Variants in SNX29 observed in about 807,000 individuals in gnomAD.
SNX29 encodes the protein sorting nexin-29.
In SNX29, 78 loss-of-function variants were observed where a neutral mutation model predicts 102.1. That is an observed-to-expected ratio of 0.76 (90% CI 0.64 to 0.92). The LOEUF (loss-of-function observed/expected upper bound fraction) is 0.92. Ranked by LOEUF, SNX29 falls within the 40% of genes least tolerant of loss-of-function variation. SNX29 has a pLI of 0.00. For synonymous variants in SNX29, 580 were observed against 414.5 expected (o/e 1.40, Z -4.85); for missense variants, 1,280 against 1,061.7 (o/e 1.21, Z -2.86).
rs1275685091 is a variant in SNX29, at chr16:12,553,219, A to G, written c.2319-15287A>G. ...AGTTATTTCCAGTAGCCATGCTCGC[A>G]GATGGGGACTTGAGAATACAGAGAG... is the stretch of plus-strand genomic sequence containing the variant. On this transcript the variant is annotated intron_variant, in intron 20 of 20. Coordinates refer to ENST00000566228, the MANE Select transcript of SNX29 (RefSeq NM_032167.5). 2.6e-5 allele frequency among the ~76,000 whole-genome samples: 4 copies of G among 152,204 alleles called. No homozygotes were observed. In the East Asian group the frequency reaches 7.7e-4, roughly 29 times the overall value.
chr16:12,560,497 G>A (rs925305346), intron 20 of SNX29, among the ~76,000 whole-genome samples: 5 of 152,062 alleles, frequency 3.3e-5, no homozygotes, highest in African/African-American at 1.2e-4. Flanking sequence ...GCTTTTCTGG[G>A]CACGCCTGTC....
At chr16:12,564,144 T>G (rs1328916286) in intron 20 of SNX29, among the ~76,000 whole-genome samples, 1 of 152,118 alleles carries the variant, frequency 6.6e-6, no homozygotes, top group East Asian at 1.9e-4. Context: ...ATCCCAGCAC[T>G]TGGGAGGCCT....
chr16:12,477,826 C>G lies in SNX29; in HGVS notation c.2145C>G (p.Tyr715Ter). 6.2e-7 allele frequency: 1 copy of G among 1,611,338 alleles called. No homozygotes were observed. Among genetic ancestry groups the G allele is most frequent in the East Asian group, 2.2e-5 (1 of 44,832 alleles). Residue 715 changes from tyrosine (Y) to a stop codon, truncating the protein, a stop_gained, in exon 19 of 21, where the codon TAC becomes TAG. Coordinates refer to ENST00000566228, the MANE Select transcript of SNX29 (RefSeq NM_032167.5). LOFTEE classifies it high-confidence loss of function. ...ACAAGTACCCTCAAGTGAGGGCCTA[C>G]AACTTCCCACCCAAAAAGGCCATTG... ...LQNKYPQVRAYNFPPKKAIGN... is the reference protein window; with the variant it reads ...LQNKYPQVRA
chr16:12,509,647 A>G (rs2089522019), intron 19 of SNX29, among the ~76,000 whole-genome samples: 1 of 152,188 alleles, frequency 6.6e-6, no homozygotes, highest in African/African-American at 2.4e-5. Flanking sequence ...AACCAAGGGT[A>G]GTGGCTTACA....
chr16:12,405,764 T>C (rs2084135079), intron 18 of SNX29, among the ~76,000 whole-genome samples: 1 of 152,252 alleles, frequency 6.6e-6, no homozygotes, highest in Admixed American at 6.5e-5. Context: ...CCAAGCATGG[T>C]GGCTCACGCC....
intron 19 of SNX29, among the ~76,000 whole-genome samples, chr16:12,492,382 T>C (rs1456309474): frequency 6.6e-6 from 1 of 152,166 alleles, no homozygotes; most frequent in African/African-American, 2.4e-5. Context: ...GGGTTGTTTG[T>C]TTTTTTCTTG....
At chr16:12,112,955 A>G (rs1311024999) in intron 11 of SNX29, among the ~76,000 whole-genome samples, 1 of 152,126 alleles carries the variant, frequency 6.6e-6, no homozygotes, top group African/African-American at 2.4e-5. Flanking sequence ...AGGAGGCCTG[A>G]TGGAAACCAC....
chr16:12,236,342 G>T (rs903052875), intron 14 of SNX29, among the ~76,000 whole-genome samples: 1 of 152,054 alleles, frequency 6.6e-6, no homozygotes, highest in Non-Finnish European at 1.5e-5. Flanking sequence ...AGAAGCCAGG[G>T]GTCTTGACCC....
At chr16:12,335,387 A>G (rs1048382322) in intron 15 of SNX29, among the ~76,000 whole-genome samples, 3 of 152,174 alleles carry the variant, frequency 2.0e-5, no homozygotes, top group Non-Finnish European at 4.4e-5. Flanking sequence ...CTATAAGGCC[A>G]GGTGCAGTGG....
At chr16:12,024,685 C>T (rs1043515894) in intron 3 of SNX29, among the ~76,000 whole-genome samples, 3 of 152,154 alleles carry the variant, frequency 2.0e-5, no homozygotes, top group Non-Finnish European at 2.9e-5. Flanking sequence ...TTGTGCAGTT[C>T]GCCTGCATTC....
At chr16:12,368,359 G>T (rs532073690) in intron 16 of SNX29, among the ~76,000 whole-genome samples, 37 of 152,316 alleles carry the variant, frequency 2.4e-4, no homozygotes, top group Non-Finnish European at 2.9e-5. Context: ...CATTGGCAAG[G>T]TGCAAAATAA....
intron 20 of SNX29, among the ~76,000 whole-genome samples, chr16:12,531,123 C>T (rs210724): frequency 0.31 from 47,763 of 152,142 alleles, 7,962 homozygotes; most frequent in East Asian, 0.58. Context: ...CCCACCCTCT[C>T]ATACCAATTT....
intron 13 of SNX29, among the ~76,000 whole-genome samples, chr16:12,170,462 G>A (rs533158893): frequency 4.6e-5 from 7 of 151,980 alleles, no homozygotes; most frequent in Non-Finnish European, 4.4e-5. Flanking sequence ...GGTCATCAGT[G>A]GGGGAGGCGT....
intron 19 of SNX29, among the ~76,000 whole-genome samples, chr16:12,483,451 G>A (rs1280963798): frequency 6.6e-6 from 1 of 151,458 alleles, no homozygotes; most frequent in Non-Finnish European, 1.5e-5. Context: ...CTGAGTAGCT[G>A]GGATTACAGG....
At chr16:12,401,917 A>G (rs1196861980) in intron 17 of SNX29, among the ~76,000 whole-genome samples, 1 of 152,188 alleles carries the variant, frequency 6.6e-6, no homozygotes, top group Non-Finnish European at 1.5e-5. Flanking sequence ...AGAGAGAACC[A>G]TTTAACCCAG....
chr16:12,115,489 G>GTGTC (rs1363694756), intron 11 of SNX29, among the ~76,000 whole-genome samples: 25 of 142,114 alleles, frequency 1.8e-4, no homozygotes, highest in African/African-American at 6.5e-4. Context: ...CTTGATTTGT[G>GTGTC]TGTGTGTGTG....
chr16:11,996,668 A>C (rs778465654), intron 1 of SNX29, among the ~76,000 whole-genome samples: 1 of 152,198 alleles, frequency 6.6e-6, no homozygotes, highest in Non-Finnish European at 1.5e-5. Context: ...GGGCTCACTC[A>C]TACTTGGAAA....
intron 14 of SNX29, among the ~76,000 whole-genome samples, chr16:12,257,002 C>T (rs906900118): frequency 6.6e-6 from 1 of 152,180 alleles, no homozygotes; most frequent in African/African-American, 2.4e-5. Flanking sequence ...ATTTGGAGGT[C>T]AGAAGCCGTG....
intron 19 of SNX29, among the ~76,000 whole-genome samples, chr16:12,490,204 A>G (rs752527): frequency 0.095 from 14,507 of 152,252 alleles, 811 homozygotes; most frequent in African/African-American, 0.16. Flanking sequence ...GCAAACAGCA[A>G]TAGACCAAGA....
Sources: gnomAD v4.1 joint callset for allele counts (sites outside exome capture counted in the v4.1 genomes callset) on GRCh38, gnomAD v4.1.1 for gene constraint, MANE v1.5 for transcripts, NCBI Gene and HGNC (gene_info 2026-07-23, HGNC 2026-07-21) for gene names.